Variants in OCA2 observed in about 807,000 individuals in gnomAD.
The protein encoded by OCA2 is OCA2 melanosomal transmembrane protein.
A neutral mutation model predicts 100.2 loss-of-function variants in OCA2; 77 were observed. The observed-to-expected ratio is 0.77, with a 90% CI of 0.64 to 0.93. The LOEUF (loss-of-function observed/expected upper bound fraction) is 0.93, where lower values mean the gene tolerates loss of function less well. Among genes scored for constraint, OCA2 ranks in the 40% least tolerant of loss-of-function variants. OCA2 has a pLI of 0.00. For synonymous variants in OCA2, 432 were observed against 439.2 expected, an observed-to-expected ratio of 0.98 and a Z score of 0.21; for missense variants, 1,062 against 1,089.1, an observed-to-expected ratio of 0.98 and a Z score of 0.35.
At chr15:27,781,143 T>C (rs933431760) in intron 23 of OCA2, among the ~76,000 whole-genome samples, 3 of 152,214 alleles carry the variant, frequency 2.0e-5, no homozygotes, top group Non-Finnish European at 4.4e-5. Flanking sequence ...CTATGGTTCA[T>C]TGTCCTCCCT....
chr15:27,961,786 C>T (rs1176879763), intron 15 of OCA2, among the ~76,000 whole-genome samples: 6 of 151,130 alleles, frequency 4.0e-5, no homozygotes, highest in Admixed American at 6.6e-5. Flanking sequence ...CATCACACAC[C>T]GGGGGCTGTC....
intron 7 of OCA2, among the ~76,000 whole-genome samples, chr15:28,016,737 T>C (rs1420591962): frequency 6.6e-6 from 1 of 152,006 alleles, no homozygotes; most frequent in Admixed American, 6.6e-5. Context: ...GCTGAGATCA[T>C]ACCACTACAC....
intron 23 of OCA2, among the ~76,000 whole-genome samples, chr15:27,841,948 C>T (rs1359675141): frequency 6.6e-6 from 1 of 152,204 alleles, no homozygotes; most frequent in East Asian, 1.9e-4. Context: ...TGGATGCCAG[C>T]TTGTCAATAT....
At chr15:28,037,302 T>C (rs2043073951) in intron 2 of OCA2, among the ~76,000 whole-genome samples, 1 of 151,792 alleles carries the variant, frequency 6.6e-6, no homozygotes, top group Non-Finnish European at 1.5e-5. Flanking sequence ...TACACCCAGG[T>C]CAGGAGGTCT....
At chr15:28,079,263 C>T (rs1046000215) in intron 2 of OCA2, among the ~76,000 whole-genome samples, 19 of 151,628 alleles carry the variant, frequency 1.3e-4, no homozygotes, top group Non-Finnish European at 1.5e-5. Context: ...ATGGTAGATT[C>T]AAAGACTTAC....
intron 9 of OCA2, among the ~76,000 whole-genome samples, chr15:28,005,665 C>T (rs982646450): frequency 6.6e-6 from 1 of 152,146 alleles, no homozygotes; most frequent in Admixed American, 6.5e-5. Context: ...GCTGGGAGGG[C>T]TCTCCATTTG....
chr15:28,051,231 A>G (rs1426632646), intron 2 of OCA2, among the ~76,000 whole-genome samples: 3 of 152,224 alleles, frequency 2.0e-5, no homozygotes, highest in African/African-American at 7.2e-5. Flanking sequence ...GCAGTATGCT[A>G]TGCTTCCAGG....
intron 2 of OCA2, among the ~76,000 whole-genome samples, chr15:28,080,108 C>T (rs1459932255): frequency 6.6e-6 from 1 of 152,210 alleles, no homozygotes; most frequent in African/African-American, 2.4e-5. Context: ...AATCCTGCTG[C>T]CTCATCTGCC....
At chr15:28,074,859 A>C (rs1251516184) in intron 2 of OCA2, among the ~76,000 whole-genome samples, 1 of 152,178 alleles carries the variant, frequency 6.6e-6, no homozygotes, top group Non-Finnish European at 1.5e-5. Flanking sequence ...AAGAATAGAG[A>C]GTTCAGAAAT....
chr15:28,066,413 G>A (rs940904130), intron 2 of OCA2, among the ~76,000 whole-genome samples: 1 of 152,084 alleles, frequency 6.6e-6, no homozygotes, highest in South Asian at 2.1e-4. Context: ...GATGGGAGAG[G>A]GGGGTGGGAG....
At chr15:27,879,398 A>G (rs185924023) in intron 19 of OCA2, among the ~76,000 whole-genome samples, 1 of 152,250 alleles carries the variant, frequency 6.6e-6, no homozygotes, top group East Asian at 1.9e-4. Flanking sequence ...GTCAAATGGT[A>G]TTTTGGGCCC....
chr15:27,904,008 A>G (rs60235486), intron 19 of OCA2, among the ~76,000 whole-genome samples: 8,308 of 152,224 alleles, frequency 0.055, 249 homozygotes, highest in South Asian at 0.063. Context: ...TGTGCTGGCT[A>G]TTTGTCAAGA....
intron 23 of OCA2, among the ~76,000 whole-genome samples, chr15:27,787,361 GTGC>G (rs971830029): frequency 1.3e-5 from 2 of 152,096 alleles, no homozygotes; most frequent in African/African-American, 4.8e-5. Flanking sequence ...GAATTCAACA[GTGC>G]AGTCATTTAG....
intron 6 of OCA2, 67 bp downstream of exon 6, chr15:28,022,434 G>T: frequency 8.6e-7 from 1 of 1,156,462 alleles, no homozygotes; most frequent in Non-Finnish European, 1.3e-6. Flanking sequence ...ACAACCGTCT[G>T]CAAGTGTCTC....
intron 6 of OCA2, among the ~76,000 whole-genome samples, chr15:28,019,900 G>A (rs547765219): frequency 2.6e-5 from 4 of 152,290 alleles, no homozygotes; most frequent in South Asian, 4.1e-4. Flanking sequence ...GAGAGGGTCC[G>A]TGAGTTTCCG....
chr15:27,824,679 C>G (rs1266333315), intron 23 of OCA2, among the ~76,000 whole-genome samples: 2 of 147,560 alleles, frequency 1.4e-5, no homozygotes, highest in Non-Finnish European at 3.0e-5. Context: ...TAAGGACCAG[C>G]CTGTCTAAGG....
intron 23 of OCA2, among the ~76,000 whole-genome samples, chr15:27,797,536 T>C (rs1254995425): frequency 7.3e-6 from 1 of 136,900 alleles, no homozygotes; most frequent in African/African-American, 3.0e-5. Flanking sequence ...GAGGCTCCAT[T>C]CACATTAACG....
intron 21 of OCA2, among the ~76,000 whole-genome samples, chr15:27,861,855 C>A (rs140941997): frequency 6.6e-6 from 1 of 152,070 alleles, no homozygotes; most frequent in African/African-American, 2.4e-5. Flanking sequence ...GATCCGCCTG[C>A]GAATGATCAG....
intron 9 of OCA2, among the ~76,000 whole-genome samples, chr15:28,008,845 G>A (rs892630551): frequency 6.6e-6 from 1 of 152,234 alleles, no homozygotes; most frequent in African/African-American, 2.4e-5. Flanking sequence ...CAGATTGGGA[G>A]GACAGGCAGG....
Sources: allele counts gnomAD v4.1 joint callset (sites outside exome capture counted in the v4.1 genomes callset), GRCh38; gene constraint gnomAD v4.1.1; transcripts MANE v1.5; gene names NCBI Gene and HGNC (gene_info 2026-07-23, HGNC 2026-07-21).